The following VPS13A variants were observed in gnomAD, a reference collection of about 807,000 sequenced individuals.
VPS13A encodes vacuolar protein sorting 13 homolog A, also known as intermembrane lipid transfer protein VPS13A.
Under a neutral mutation model 390.9 loss-of-function variants are expected in VPS13A, and 264 were observed. That is an observed-to-expected ratio of 0.68 (90% CI 0.61 to 0.75). The LOEUF is 0.75. VPS13A is among the 30% of genes least tolerant of loss of function. The probability of loss-of-function intolerance (pLI) is 0.00; values close to 1 mark genes in which losing one functional copy is unlikely to be tolerated. For missense variants in VPS13A, 3,409 were observed against 3,733.9 expected (o/e 0.91, Z 2.27); for synonymous variants, 1,231 against 1,227.1 (o/e 1.00, Z -0.07).
intron 10 of VPS13A, among the ~76,000 whole-genome samples, chr9:77,215,116 G>A (rs1822780853): frequency 6.6e-6 from 1 of 152,100 alleles, no homozygotes; most frequent in South Asian, 2.1e-4. Context: ...CTCCAGCCTG[G>A]GTGACAGAGT....
Position 77,201,002 on chromosome 9 carries a change from C to T in VPS13A, c.145-363C>T, listed in dbSNP as rs750192427. ...TTGAAAGTTTATTTTTTACAAAACG[C>T]GTATTTTGCAAAATAGAGTTTTAAT... On this transcript the variant is annotated intron_variant, in intron 2 of 71. Transcript: ENST00000360280. 5.9e-5 allele frequency among the ~76,000 whole-genome samples: 9 copies of T among 151,870 alleles called. No homozygotes were observed. In the East Asian group the frequency reaches 1.2e-3, roughly 19 times the overall value.
At chr9:77,372,050 A>G (rs1266101401) in intron 67 of VPS13A, among the ~76,000 whole-genome samples, 1 of 150,112 alleles carries the variant, frequency 6.7e-6, no homozygotes, top group African/African-American at 2.5e-5. Flanking sequence ...CCAGTCTATC[A>G]TTGTTGGACA....
intron 1 of VPS13A, among the ~76,000 whole-genome samples, chr9:77,178,915 T>C (rs1239549339): frequency 1.3e-5 from 2 of 152,230 alleles, no homozygotes; most frequent in East Asian, 3.8e-4. Flanking sequence ...GTTTATGAGA[T>C]AATGTAAACA....
rs1418751548 is a variant in VPS13A, at chr9:77,329,182, T to A, written c.5992-2828T>A. On this transcript the variant is annotated intron_variant, in intron 45 of 71. Coordinates refer to ENST00000360280, the MANE Select transcript of VPS13A (RefSeq NM_033305.3). Reference sequence around the variant, plus strand: ...ATTTGGGTGGGGGACCTAGCCAAACTGTATCATATCCAGACCACTAGAGTA... The same window carrying A: ...ATTTGGGTGGGGGACCTAGCCAAACAGTATCATATCCAGACCACTAGAGTA... 3.3e-5 allele frequency among the ~76,000 whole-genome samples: 5 copies of A among 152,194 alleles called. No homozygotes were observed. In the East Asian group the frequency reaches 9.6e-4, roughly 29 times the overall value.
intron 2 of VPS13A, 95 bp from the exon 3 acceptor site, chr9:77,201,270 C>A: frequency 1.2e-6 from 1 of 819,494 alleles, no homozygotes; most frequent in Non-Finnish European, 2.0e-6. Flanking sequence ...ATTAAAAAAT[C>A]CCTTGAAATA....
intron 67 of VPS13A, among the ~76,000 whole-genome samples, 172 bp from the exon 68 acceptor site, chr9:77,381,804 C>G (rs753117529): frequency 1.9e-4 from 29 of 152,068 alleles, no homozygotes; most frequent in Non-Finnish European, 3.8e-4. Context: ...CTCTATAGTT[C>G]TGTATTTTTC....
In VPS13A at chr9:77,316,405, CTG is replaced by C; in HGVS notation, c.4863+2_4863+3del. On this transcript the variant is annotated splice_donor_variant and coding_sequence_variant, in exon 39 of 72. Transcript: ENST00000360280. LOFTEE classifies it high-confidence loss of function. ...GTCAAGAGAAAAGGCAAAATCACTA[CTG>C]TGAGTTAACTATTTGATCATCTGCT... 6.2e-7 allele frequency: 1 copy of C among 1,609,894 alleles called. No homozygotes were observed. The highest frequency in any genetic ancestry group is 8.5e-7 in the Non-Finnish European group (1 of 1,176,454).
chr9:77,273,128 A>G (rs1826443147), intron 23 of VPS13A, 152 bp from the exon 24 acceptor site: 2 of 618,706 alleles, frequency 3.2e-6, no homozygotes, highest in Admixed American at 6.4e-5. Flanking sequence ...TTTATAATGT[A>G]TTTTTCTAAT....
intron 67 of VPS13A, among the ~76,000 whole-genome samples, chr9:77,379,711 C>T (rs1271039573): frequency 6.6e-6 from 1 of 152,134 alleles, no homozygotes; most frequent in Non-Finnish European, 1.5e-5. Flanking sequence ...CAATGTTAGC[C>T]AAAAGGCCAA....
chr9:77,254,134 G>A (rs112332248), intron 22 of VPS13A, among the ~76,000 whole-genome samples: 7 of 151,632 alleles, frequency 4.6e-5, no homozygotes, highest in African/African-American at 1.7e-4. Flanking sequence ...TAGTAGAGAT[G>A]GGGTTTCACC....
chr9:77,337,630 A>C, intron 47 of VPS13A, 93 bp downstream of exon 47: 1 of 1,316,168 alleles, frequency 7.6e-7, no homozygotes, highest in South Asian at 1.4e-5. Context: ...TTAAAGATCT[A>C]ATAAAAATTA....
chr9:77,321,013 T>G (rs1369726238), intron 42 of VPS13A, among the ~76,000 whole-genome samples, 156 bp from the exon 43 acceptor site: 3 of 152,102 alleles, frequency 2.0e-5, no homozygotes, highest in African/African-American at 7.2e-5. Flanking sequence ...ATGACCTTAG[T>G]TGGCTGATGT....
chr9:77,276,518 A>G (rs1826680780), intron 26 of VPS13A, among the ~76,000 whole-genome samples: 1 of 152,206 alleles, frequency 6.6e-6, no homozygotes, highest in Non-Finnish European at 1.5e-5. Flanking sequence ...ATAACAATTT[A>G]CCACAAACTT....
At position 77,205,797 on chromosome 9, in the gene VPS13A, G is replaced by C. The variant is rs569510963; in HGVS notation, c.284-181G>C. 2.0e-5 allele frequency among the ~76,000 whole-genome samples: 3 copies of C among 152,096 alleles called. No homozygotes were observed. The East Asian group carries it at 5.8e-4, about 29-fold the overall frequency. On this transcript the variant is annotated intron_variant, in intron 4 of 71. Transcript: ENST00000360280. Reference sequence around the variant, plus strand: ...AGTAGAGATGGGGTTTCACCGTGTTGGCCAGGCTGGTTTCGAACTCCTGAC... The same window carrying C: ...AGTAGAGATGGGGTTTCACCGTGTTCGCCAGGCTGGTTTCGAACTCCTGAC...
chr9:77,406,396 C>A (rs1365841736), intron 70 of VPS13A, among the ~76,000 whole-genome samples: 1 of 152,064 alleles, frequency 6.6e-6, no homozygotes, highest in Non-Finnish European at 1.5e-5. Flanking sequence ...TTTCATGAGA[C>A]CTTATATCTA....
intron 1 of VPS13A, among the ~76,000 whole-genome samples, chr9:77,179,561 G>C (rs776172002): frequency 1.4e-4 from 21 of 152,104 alleles, no homozygotes; most frequent in Non-Finnish European, 2.4e-4. Flanking sequence ...GCTGGTTGAA[G>C]AATATTTCAG....
intron 33 of VPS13A, among the ~76,000 whole-genome samples, chr9:77,300,069 G>A (rs1410287773): frequency 6.6e-6 from 1 of 152,102 alleles, no homozygotes; most frequent in Non-Finnish European, 1.5e-5. Flanking sequence ...TTCTGCACAT[G>A]TATCCCAGAA....
intron 68 of VPS13A, among the ~76,000 whole-genome samples, chr9:77,395,198 A>G (rs1834072460): frequency 6.6e-6 from 1 of 152,208 alleles, no homozygotes; most frequent in Non-Finnish European, 1.5e-5. Flanking sequence ...AAAGTGATAG[A>G]CATATAACTC....
Position 77,345,008 on chromosome 9 carries a change from G to T in VPS13A, c.7156-1G>T. On this transcript the variant is annotated splice_acceptor_variant, in intron 51 of 71. Transcript: ENST00000360280. LOFTEE classifies it high-confidence loss of function. ...AAATGTTTTCTTTTTCTTTCTTCTA[G>T]CTTGGAGGTATTATAGCAGAAGTGA... The T allele has an allele frequency of 6.2e-7, 1 of 1,611,330 alleles. No individual in the cohort carries two copies. Among genetic ancestry groups the T allele is most frequent in the South Asian group, 1.1e-5 (1 of 91,070 alleles).
Sources: allele counts gnomAD v4.1 joint callset (sites outside exome capture counted in the v4.1 genomes callset), GRCh38; gene constraint gnomAD v4.1.1; transcripts MANE v1.5; gene names NCBI Gene and HGNC (gene_info 2026-07-23, HGNC 2026-07-21).